Variants in ST7 observed in about 807,000 individuals in gnomAD.
The protein encoded by ST7 is suppressor of tumorigenicity 7 protein.
Under a neutral mutation model 78.7 loss-of-function variants are expected in ST7, and 28 were observed. The ratio of observed to expected loss-of-function variants is 0.36; its 90% CI spans 0.26 to 0.49. ST7 has a LOEUF of 0.49. Among genes scored for constraint, ST7 ranks in the 20% least tolerant of loss-of-function variants. ST7 has a pLI of 0.99. For missense variants in ST7, 418 were observed against 696.0 expected, an observed-to-expected ratio of 0.60 and a Z score of 4.49; for synonymous variants, 247 against 249.6, an observed-to-expected ratio of 0.99 and a Z score of 0.10.
intron 1 of ST7, among the ~76,000 whole-genome samples, chr7:116,995,590 G>T (rs1794617209): frequency 6.6e-6 from 1 of 152,220 alleles, no homozygotes; most frequent in South Asian, 2.1e-4. Flanking sequence ...GGATGATGCT[G>T]CAGACTGTAA....
chr7:117,083,452 T>G (rs995678355), intron 1 of ST7, among the ~76,000 whole-genome samples: 1 of 152,020 alleles, frequency 6.6e-6, no homozygotes, highest in Non-Finnish European at 1.5e-5. Flanking sequence ...GGGATGGGGT[T>G]TCACCATGTT....
intron 1 of ST7, among the ~76,000 whole-genome samples, chr7:117,020,891 G>GT (rs997982928): frequency 3.9e-5 from 6 of 152,188 alleles, no homozygotes; most frequent in Admixed American, 6.5e-5. Flanking sequence ...CCTAGAATGT[G>GT]TTAATTGATG....
intron 1 of ST7, among the ~76,000 whole-genome samples, chr7:117,050,303 C>T (rs1323756686): frequency 1.3e-5 from 2 of 152,168 alleles, no homozygotes; most frequent in Non-Finnish European, 2.9e-5. Context: ...GAGAGACAGA[C>T]TGCTCCCATG....
chr7:117,114,816 C>G (rs2116908021), intron 2 of ST7, among the ~76,000 whole-genome samples: 1 of 152,284 alleles, frequency 6.6e-6, no homozygotes, highest in East Asian at 1.9e-4. Flanking sequence ...AAAGAGTCTA[C>G]TTTTAGGTCT....
At chr7:117,188,596 C>A (rs1240986589) in intron 10 of ST7, among the ~76,000 whole-genome samples, 1 of 152,084 alleles carries the variant, frequency 6.6e-6, no homozygotes, top group Non-Finnish European at 1.5e-5. Context: ...CCACCCTGGC[C>A]CTTCTGAAAT....
At chr7:117,210,032 A>G in intron 13 of ST7, 95 bp downstream of exon 13, 1 of 1,399,964 alleles carries the variant, frequency 7.1e-7, no homozygotes, top group Non-Finnish European at 9.6e-7. Flanking sequence ...AGATTTACAT[A>G]TGTACTGCTC....
intron 1 of ST7, among the ~76,000 whole-genome samples, chr7:117,071,791 T>G (rs1798978531): frequency 6.6e-6 from 1 of 152,224 alleles, no homozygotes; most frequent in Non-Finnish European, 1.5e-5. Context: ...GTTAGCATGT[T>G]TACACAGAGA....
intron 1 of ST7, among the ~76,000 whole-genome samples, chr7:117,021,243 G>A (rs764823499): frequency 6.6e-6 from 1 of 152,162 alleles, no homozygotes; most frequent in Non-Finnish European, 1.5e-5. Flanking sequence ...TTGCTTTGGT[G>A]CAGAGAAGGC....
At chr7:117,099,241 C>T (rs1292207778) in intron 1 of ST7, among the ~76,000 whole-genome samples, 1 of 152,006 alleles carries the variant, frequency 6.6e-6, no homozygotes. Context: ...ATTACTTTTG[C>T]ACCAACCTAA....
chr7:117,165,622 T>C (rs1807492704), intron 9 of ST7, among the ~76,000 whole-genome samples: 1 of 152,166 alleles, frequency 6.6e-6, no homozygotes, highest in African/African-American at 2.4e-5. Context: ...TGACCAAGAA[T>C]ACAGCAATAA....
At chr7:117,125,878 T>C (rs1803792506) in intron 3 of ST7, among the ~76,000 whole-genome samples, 1 of 152,040 alleles carries the variant, frequency 6.6e-6, no homozygotes, top group Admixed American at 6.6e-5. Context: ...TGTTGCAGGG[T>C]TTAACAGGTT....
intron 1 of ST7, among the ~76,000 whole-genome samples, chr7:117,019,522 G>A (rs904392942): frequency 3.3e-5 from 5 of 152,196 alleles, no homozygotes; most frequent in African/African-American, 1.2e-4. Flanking sequence ...TGACTGAGTT[G>A]CTCTGGAAAA....
chr7:117,176,291 T>G (rs1006306398), intron 10 of ST7, among the ~76,000 whole-genome samples: 8 of 152,184 alleles, frequency 5.3e-5, no homozygotes, highest in African/African-American at 1.9e-4. Context: ...AACCACTATA[T>G]CAAGATCATT....
intron 1 of ST7, among the ~76,000 whole-genome samples, chr7:116,991,154 G>A (rs1794410176): frequency 6.6e-6 from 1 of 152,194 alleles, no homozygotes; most frequent in African/African-American, 2.4e-5. Flanking sequence ...GTGGTTTCCA[G>A]TTGGACCTAT....
chr7:116,980,766 T>G (rs1458148648), intron 1 of ST7, among the ~76,000 whole-genome samples: 1 of 152,240 alleles, frequency 6.6e-6, no homozygotes, highest in Non-Finnish European at 1.5e-5. Flanking sequence ...TTGAAATACT[T>G]TAGTGTATAT....
intron 13 of ST7, among the ~76,000 whole-genome samples, chr7:117,215,091 G>A (rs903499044): frequency 1.3e-5 from 2 of 152,120 alleles, no homozygotes; most frequent in African/African-American, 4.8e-5. Flanking sequence ...AGAAGTTAGT[G>A]AGTCTGCTGT....
intron 1 of ST7, among the ~76,000 whole-genome samples, chr7:117,019,466 T>C (rs528263667): frequency 6.6e-6 from 1 of 152,326 alleles, no homozygotes; most frequent in South Asian, 2.1e-4. Context: ...TCACAAATGC[T>C]TACTCATACA....
intron 1 of ST7, among the ~76,000 whole-genome samples, chr7:117,067,448 C>T (rs911768975): frequency 1.3e-5 from 2 of 152,012 alleles, no homozygotes; most frequent in African/African-American, 2.4e-5. Flanking sequence ...GAGCTTGGTT[C>T]TGAGTACAAG....
At chr7:116,972,429 G>C (rs1267494250) in intron 1 of ST7, 1 of 727,968 alleles carries the variant, frequency 1.4e-6, no homozygotes, top group Non-Finnish European at 2.4e-6. Context: ...CCATCAGTCT[G>C]ATCTGCTCAT....
Sources: gnomAD v4.1 joint callset for allele counts (sites outside exome capture counted in the v4.1 genomes callset) on GRCh38, gnomAD v4.1.1 for gene constraint, MANE v1.5 for transcripts, NCBI Gene and HGNC (gene_info 2026-07-23, HGNC 2026-07-21) for gene names.